The following CYSLTR2 variants were observed in gnomAD, a reference collection of about 807,000 sequenced individuals.
The protein encoded by CYSLTR2 is cysteinyl leukotriene receptor 2, also known as G-protein coupled receptor GPCR21.
For missense variants in CYSLTR2, 398 were observed against 411.9 expected (o/e 0.97, Z 0.29); for synonymous variants, 179 against 160.8 (o/e 1.11, Z -0.86).
At chr13:48,683,409 A>G (rs1218318313) in intron 1 of CYSLTR2, among the ~76,000 whole-genome samples, 1 of 152,168 alleles carries the variant, frequency 6.6e-6, no homozygotes, top group Non-Finnish European at 1.5e-5. Flanking sequence ...TTGACTTTTT[A>G]ATAATAGCCA....
intron 1 of CYSLTR2, among the ~76,000 whole-genome samples, chr13:48,679,298 CTT>C (rs1257660448): frequency 6.6e-6 from 1 of 152,170 alleles, no homozygotes; most frequent in Non-Finnish European, 1.5e-5. Context: ...TCATAGCACT[CTT>C]GAGGTTTCTT....
intron 1 of CYSLTR2, among the ~76,000 whole-genome samples, chr13:48,679,342 T>C (rs1448617112): frequency 1.3e-5 from 2 of 152,178 alleles, no homozygotes; most frequent in Non-Finnish European, 1.5e-5. Context: ...TAGAGCTTTG[T>C]CCTGTTGACT....
At chr13:48,682,110 A>G (rs1191805341) in intron 1 of CYSLTR2, among the ~76,000 whole-genome samples, 1 of 152,062 alleles carries the variant, frequency 6.6e-6, no homozygotes, top group Non-Finnish European at 1.5e-5. Context: ...CTTGTGCCCT[A>G]GGCTCTGTGT....
chr13:48,672,169 GTCTTT>G (rs1287299009), intron 1 of CYSLTR2, among the ~76,000 whole-genome samples: 1 of 151,870 alleles, frequency 6.6e-6, no homozygotes, highest in Non-Finnish European at 1.5e-5. Context: ...TGATTCTTCT[GTCTTT>G]TCTTCTTTAT....
chr13:48,689,111 T>G (rs941558190), intron 1 of CYSLTR2, among the ~76,000 whole-genome samples: 1 of 152,248 alleles, frequency 6.6e-6, no homozygotes, highest in African/African-American at 2.4e-5. Flanking sequence ...GTTGTTTGTT[T>G]ATTCTCGTAA....
chr13:48,679,975 C>T (rs1287320367), intron 1 of CYSLTR2, among the ~76,000 whole-genome samples: 1 of 152,134 alleles, frequency 6.6e-6, no homozygotes, highest in Non-Finnish European at 1.5e-5. Context: ...TTCCGCATGG[C>T]AGGTCTACCA....
At chr13:48,659,945 G>A (rs1354545268) in intron 1 of CYSLTR2, among the ~76,000 whole-genome samples, 1 of 152,206 alleles carries the variant, frequency 6.6e-6, no homozygotes. Context: ...GCTGAGGAAA[G>A]TTTTGAGAGC....
At chr13:48,689,726 G>A (rs975552306) in intron 1 of CYSLTR2, among the ~76,000 whole-genome samples, 2 of 152,072 alleles carry the variant, frequency 1.3e-5, no homozygotes, top group Non-Finnish European at 2.9e-5. Flanking sequence ...GGATTGTCTT[G>A]GCTATATGGG....
At position 48,707,629 on chromosome 13, in the gene CYSLTR2, TGAC is replaced by T. The variant is rs745499497; in HGVS notation, c.816_818del (p.Thr273del). On this transcript the variant is annotated inframe_deletion, in exon 5 of 5. Transcript: ENST00000682523. ...TATCACACACTGAGGACCGTCCACT[TGAC>T]GACATGGAAAGTGGGTTTATGCAAA... 2 of 1,613,614 alleles carry T rather than the reference TGAC, an allele frequency of 1.2e-6. No homozygotes were observed. The highest frequency in any genetic ancestry group is 4.5e-5 in the East Asian group (2 of 44,890).
chr13:48,686,561 A>G lies in CYSLTR2; in HGVS notation c.-265-4651A>G, dbSNP rs1243081715. Among the ~76,000 whole-genome samples, 3 of 152,342 alleles carry G rather than the reference A, an allele frequency of 2.0e-5. No individual in the cohort carries two copies. In the East Asian group the frequency reaches 5.8e-4, roughly 29 times the overall value. ...ATTATCATACCCAAGCAATGAAAATATGTCCCGCAAAATCTGTGTGTTCTT... is the reference window on the plus strand; with the variant it reads ...ATTATCATACCCAAGCAATGAAAATGTGTCCCGCAAAATCTGTGTGTTCTT... On this transcript the variant is annotated intron_variant, in intron 1 of 4. Coordinates refer to ENST00000682523, the MANE Select transcript of CYSLTR2 (RefSeq NM_001308476.3).
At chr13:48,675,164 G>A (rs936382522) in intron 1 of CYSLTR2, among the ~76,000 whole-genome samples, 1 of 152,198 alleles carries the variant, frequency 6.6e-6, no homozygotes, top group African/African-American at 2.4e-5. Flanking sequence ...CAGAGGTCAA[G>A]TGCTGTGCTG....
intron 1 of CYSLTR2, among the ~76,000 whole-genome samples, chr13:48,664,774 C>T (rs193105956): frequency 5.6e-4 from 85 of 151,828 alleles, no homozygotes; most frequent in Admixed American, 2.9e-3. Flanking sequence ...TTTCAAAAAA[C>T]CAGCTGTTCA....
intron 1 of CYSLTR2, among the ~76,000 whole-genome samples, chr13:48,672,623 T>TTC (rs1953469560): frequency 6.8e-6 from 1 of 146,694 alleles, no homozygotes; most frequent in Admixed American, 6.7e-5. Context: ...TTTCTTTTTT[T>TTC]TTTTTTTTTT....
At chr13:48,656,833 T>G (rs190291113) in intron 1 of CYSLTR2, among the ~76,000 whole-genome samples, 7 of 152,342 alleles carry the variant, frequency 4.6e-5, no homozygotes, top group South Asian at 2.1e-4. Flanking sequence ...CCCAATGAAC[T>G]CTGGCTAATG....
intron 1 of CYSLTR2, among the ~76,000 whole-genome samples, chr13:48,654,484 C>T (rs1342942404): frequency 1.3e-5 from 2 of 152,154 alleles, no homozygotes. Flanking sequence ...AGGAACTTTA[C>T]TATACTTCCT....
intron 1 of CYSLTR2, among the ~76,000 whole-genome samples, chr13:48,675,410 T>TC (rs1315006158): frequency 9.9e-5 from 15 of 152,154 alleles, no homozygotes; most frequent in African/African-American, 3.6e-4. Context: ...CTCTGCCAGT[T>TC]CGAACTTCCT....
intron 4 of CYSLTR2, among the ~76,000 whole-genome samples, chr13:48,697,994 G>C (rs535886705): frequency 6.6e-6 from 1 of 152,136 alleles, no homozygotes. Context: ...AATGAAAAAA[G>C]CCTCCAAGAA....
At position 48,704,747 on chromosome 13, in the gene CYSLTR2, G is replaced by A. The variant is rs114449344; in HGVS notation, c.-1-2070G>A. 8.2e-3 allele frequency among the ~76,000 whole-genome samples: 1,247 copies of A among 151,898 alleles called. 17 individuals carry two copies. The highest frequency in any genetic ancestry group is 0.025 in the African/African-American group (1,046 of 41,438). ...TTGTTTAGTTTTCAAGTGTTTTGAG[G>A]GTTTCCTGTTATCTTGCTGCTGTTG... On this transcript the variant is annotated intron_variant, in intron 4 of 4. Coordinates refer to ENST00000682523, the MANE Select transcript of CYSLTR2 (RefSeq NM_001308476.3).
At chr13:48,675,055 C>G (rs547428161) in intron 1 of CYSLTR2, among the ~76,000 whole-genome samples, 32 of 152,298 alleles carry the variant, frequency 2.1e-4, no homozygotes, top group Non-Finnish European at 7.4e-5. Flanking sequence ...TATGAGGTGT[C>G]TGTTGACCCC....
Sources: gnomAD v4.1 joint callset for allele counts (sites outside exome capture counted in the v4.1 genomes callset) on GRCh38, gnomAD v4.1.1 for gene constraint, MANE v1.5 for transcripts, NCBI Gene and HGNC (gene_info 2026-07-23, HGNC 2026-07-21) for gene names.